The following KMT5B variants were observed in gnomAD, a reference collection of about 807,000 sequenced individuals.
KMT5B encodes the protein lysine methyltransferase 5B.
Under a neutral mutation model 83.2 loss-of-function variants are expected in KMT5B, and 10 were observed. The ratio of observed to expected loss-of-function variants is 0.12; its 90% confidence interval spans 0.07 to 0.20. The LOEUF (loss-of-function observed/expected upper bound fraction) is 0.20. Ranked by LOEUF, KMT5B falls within the 10% of genes least tolerant of loss-of-function variation. KMT5B has a pLI of 1.00. For synonymous variants in KMT5B, 349 were observed against 388.8 expected (o/e 0.90, Z 1.20); for missense variants, 753 against 1,067.2 (o/e 0.71, Z 4.10).
chr11:68,212,958 G>A (rs1468429773), intron 1 of KMT5B, among the ~76,000 whole-genome samples, 180 bp downstream of exon 1: 2 of 129,150 alleles, frequency 1.5e-5, no homozygotes, highest in Non-Finnish European at 3.3e-5. Flanking sequence ...GCCCCGCACC[G>A]GCCCGGCCGC....
chr11:68,166,643 C>T, intron 10 of KMT5B: 1 of 1,077,640 alleles, frequency 9.3e-7, no homozygotes, highest in East Asian at 6.6e-5. Flanking sequence ...TCTACTCAGT[C>T]CTTTTGTCTT....
At chr11:68,206,018 T>C (rs1277912038) in intron 1 of KMT5B, among the ~76,000 whole-genome samples, 1 of 152,260 alleles carries the variant, frequency 6.6e-6, no homozygotes, top group Non-Finnish European at 1.5e-5. Flanking sequence ...TACTGCTTCA[T>C]TCTTAAATAT....
At chr11:68,176,307 GCC>G (rs1391055323) in intron 4 of KMT5B, among the ~76,000 whole-genome samples, 1 of 152,106 alleles carries the variant, frequency 6.6e-6, no homozygotes, top group Non-Finnish European at 1.5e-5. Context: ...TGCAGTCATG[GCC>G]CAAGCAAGAC....
chr11:68,158,837 T>C lies in KMT5B; in HGVS notation c.1509A>G (p.Ala503=), dbSNP rs767473679. 2 of 1,614,198 alleles carry C rather than the reference T, an allele frequency of 1.2e-6. No individual in the cohort carries two copies. Among genetic ancestry groups the C allele is most frequent in the Middle Eastern group, 1.7e-4 (1 of 6,060 alleles). The change falls in exon 11 of 11, where the codon GCA becomes GCG. Residue 503 remains alanine (A), a synonymous_variant. Transcript: ENST00000304363. ...DKEPEGPAQA[A]VASGCLTRHA... ...GTCTAGTCAAGCACCCGCTGGCAAC[T>C]GCGGCTTGGGCTGGTCCCTCTGGCT...
chr11:68,204,078 G>A (rs950836870), intron 1 of KMT5B, among the ~76,000 whole-genome samples: 4 of 152,160 alleles, frequency 2.6e-5, no homozygotes, highest in Non-Finnish European at 1.5e-5. Flanking sequence ...AGGCCACCAA[G>A]AGAATAGCGT....
intron 4 of KMT5B, among the ~76,000 whole-genome samples, chr11:68,175,443 T>G (rs917392564): frequency 6.6e-6 from 1 of 152,232 alleles, no homozygotes; most frequent in African/African-American, 2.4e-5. Flanking sequence ...AACTTCTCTT[T>G]TTTCAATCTG....
At chr11:68,210,766 C>T (rs1391700320) in intron 1 of KMT5B, among the ~76,000 whole-genome samples, 1 of 152,034 alleles carries the variant, frequency 6.6e-6, no homozygotes, top group African/African-American at 2.4e-5. Flanking sequence ...GGTGATGGAG[C>T]GGAGGGAGGA....
rs1856808853 is a variant in KMT5B at position 68,180,399 on chromosome 11, C to T, written c.309-199G>A. On this transcript the variant is annotated intron_variant, in intron 3 of 10. Coordinates refer to ENST00000304363, the MANE Select transcript of KMT5B (RefSeq NM_017635.5). ...GAAATTCTCTGCTTCCCATAGAACA[C>T]ACCTTACCATGAAGTTAGAAGCTTT... Among the ~76,000 whole-genome samples, 5 of 152,220 alleles carry T rather than the reference C, an allele frequency of 3.3e-5. No homozygotes were observed. The South Asian group carries it at 1.0e-3, about 32-fold the overall frequency.
intron 5 of KMT5B, among the ~76,000 whole-genome samples, chr11:68,174,421 G>A (rs1390830519): frequency 6.6e-6 from 1 of 152,102 alleles, no homozygotes; most frequent in Admixed American, 6.6e-5. Flanking sequence ...TCAGATTTTG[G>A]AGCATTTCAA....
intron 1 of KMT5B, among the ~76,000 whole-genome samples, chr11:68,208,321 G>A (rs1860436013): frequency 6.6e-6 from 1 of 151,742 alleles, no homozygotes; most frequent in African/African-American, 2.4e-5. Context: ...GTGGCATGTG[G>A]CTGTAATCCC....
chr11:68,197,810 AT>A, intron 1 of KMT5B, among the ~76,000 whole-genome samples: 2 of 152,318 alleles, frequency 1.3e-5, no homozygotes, highest in African/African-American at 4.8e-5. Context: ...GCAGAGAGAG[AT>A]TCTCCACAGG....
chr11:68,157,929 AGAG>A lies in KMT5B; in HGVS notation c.2414_2416del (p.Pro805del). 1 of 1,614,150 alleles carries A rather than the reference AGAG, an allele frequency of 6.2e-7. No homozygotes were observed. Among genetic ancestry groups the A allele is most frequent in the Admixed American group, 1.7e-5 (1 of 60,034 alleles). ...CTCCATTCGAGACTCCAAGAGAGAA[AGAG>A]GATCACTGCAGCACACCCCATTTTC... On this transcript the variant is annotated inframe_deletion, in exon 11 of 11. Transcript: ENST00000304363.
intron 1 of KMT5B, among the ~76,000 whole-genome samples, chr11:68,190,773 C>T (rs1441442963): frequency 1.3e-5 from 2 of 152,180 alleles, no homozygotes; most frequent in Non-Finnish European, 2.9e-5. Context: ...TGCTTGAGCC[C>T]AGAAGTTGAG....
In KMT5B at chr11:68,175,208, G is replaced by A. The variant is rs1263215914; in HGVS notation, c.378-25C>T. On this transcript the variant is annotated intron_variant, in intron 4 of 10. Coordinates refer to ENST00000304363, the MANE Select transcript of KMT5B (RefSeq NM_017635.5). ...TCTGAAAGAAATCAAAAGAATGAAT[G>A]GGTTATCTGCCACAATCCTTGCGCC... 5 of 1,595,660 alleles carry A rather than the reference G, an allele frequency of 3.1e-6. No homozygotes were observed. The African/African-American group carries it at 4.0e-5, about 13-fold the overall frequency.
chr11:68,193,368 G>A (rs1452676001), intron 1 of KMT5B, among the ~76,000 whole-genome samples: 1 of 152,142 alleles, frequency 6.6e-6, no homozygotes, highest in Non-Finnish European at 1.5e-5. Flanking sequence ...ATACATGCCT[G>A]GACATACCTT....
intron 10 of KMT5B, chr11:68,166,138 A>G: frequency 7.0e-7 from 1 of 1,422,928 alleles, no homozygotes; most frequent in Non-Finnish European, 9.2e-7. Flanking sequence ...CTCAGAGACA[A>G]GTGAGACTCA....
At chr11:68,202,245 T>C (rs1377907359) in intron 1 of KMT5B, among the ~76,000 whole-genome samples, 1 of 152,162 alleles carries the variant, frequency 6.6e-6, no homozygotes, top group African/African-American at 2.4e-5. Context: ...CAAGCAATAT[T>C]TACCTGCTAC....
intron 9 of KMT5B, 50 bp downstream of exon 9, chr11:68,170,965 A>G: frequency 1.3e-6 from 2 of 1,534,298 alleles, no homozygotes; most frequent in Non-Finnish European, 8.7e-7. Flanking sequence ...CCCCATAATC[A>G]GGTTGTTAAC....
In KMT5B at chr11:68,179,443, A is replaced by G. The variant is rs1024962073; in HGVS notation, c.377+689T>C. 8 of 1,302,934 alleles carry G rather than the reference A, an allele frequency of 6.1e-6. No individual in the cohort carries two copies. In the African/African-American group the frequency reaches 1.2e-4, roughly 20 times the overall value. The allele number at this position is 1,302,934 out of a possible 1,614,324, so 80.7% of individuals were successfully genotyped here. A position where few individuals can be genotyped will look rare whatever the true frequency, so the allele number is the denominator to read the frequency against. ...ATTATTATTAAAGGGGCAGGAAAAA[A>G]ACATATGAATTCACACTCCCACACA... On this transcript the variant is annotated intron_variant, in intron 4 of 10. Coordinates refer to ENST00000304363, the MANE Select transcript of KMT5B (RefSeq NM_017635.5).
Sources: allele counts gnomAD v4.1 joint callset (sites outside exome capture counted in the v4.1 genomes callset), GRCh38; gene constraint gnomAD v4.1.1; transcripts MANE v1.5; gene names NCBI Gene and HGNC (gene_info 2026-07-23, HGNC 2026-07-21).